NCAPH2: variants seen among roughly 807,000 people sequenced by gnomAD.
NCAPH2 encodes non-SMC condensin II complex subunit H2.
Under a neutral mutation model 88.6 loss-of-function variants are expected in NCAPH2, and 56 were observed. The ratio of observed to expected loss-of-function variants is 0.63; its 90% CI spans 0.51 to 0.79. The LOEUF is 0.79. Among genes scored for constraint, NCAPH2 ranks in the 30% least tolerant of loss-of-function variants. The probability of loss-of-function intolerance (pLI) is 0.00; values close to 1 mark genes in which losing one functional copy is unlikely to be tolerated. For synonymous variants in NCAPH2, 378 were observed against 313.6 expected, an observed-to-expected ratio of 1.21 and a Z score of -2.17; for missense variants, 794 against 792.0, an observed-to-expected ratio of 1.00 and a Z score of -0.03.
chr22:50,521,117 C>T (rs2069076552), intron 10 of NCAPH2, 81 bp downstream of exon 10: 2 of 1,474,764 alleles, frequency 1.4e-6, no homozygotes, highest in African/African-American at 1.4e-5. Context: ...CATGCTCTTG[C>T]TCCTGCTGGC....
chr22:50,521,497 T>TA (rs1569521021), intron 10 of NCAPH2, 46 bp from the exon 11 acceptor site: 1 of 1,597,258 alleles, frequency 6.3e-7, no homozygotes, highest in Non-Finnish European at 8.6e-7. Flanking sequence ...GAGGGACGGC[T>TA]GTGCACCCCC....
In NCAPH2 at chr22:50,524,592, C is replaced by T. The variant is rs1391474839; in HGVS notation, c.*1217C>T. 2 of 728,032 alleles carry T rather than the reference C, an allele frequency of 2.7e-6. No individual in the cohort carries two copies. Among genetic ancestry groups the T allele is most frequent in the Non-Finnish European group, 5.0e-6 (2 of 396,598 alleles). 45.1% of individuals were successfully genotyped at this position (728,032 alleles called of 1,614,324 possible). A position where few individuals can be genotyped will look rare whatever the true frequency, so the allele number is the denominator to read the frequency against. ...AGCTCAGAACTCCACCTCCACCAAACATCCACACCTGGGCAACCACACCTG... is the reference window on the plus strand; with the variant it reads ...AGCTCAGAACTCCACCTCCACCAAATATCCACACCTGGGCAACCACACCTG... On this transcript the variant is annotated 3_prime_UTR_variant, in exon 20 of 20. Transcript: ENST00000420993.
chr22:50,518,617 G>T (rs770557719), intron 7 of NCAPH2, 32 bp from the exon 8 acceptor site: 5 of 1,572,290 alleles, frequency 3.2e-6, no homozygotes, highest in Non-Finnish European at 4.3e-6. Flanking sequence ...AGAGGGGCTG[G>T]GCTGACCTTG....
In NCAPH2 at chr22:50,523,434, C is replaced by G; in HGVS notation, c.*59C>G. The G allele has an allele frequency of 6.6e-7, 1 of 1,522,498 alleles. No individual in the cohort carries two copies. Among genetic ancestry groups the G allele is most frequent in the Non-Finnish European group, 8.8e-7 (1 of 1,134,098 alleles). 94.3% of individuals were successfully genotyped at this position (1,522,498 alleles called of 1,614,324 possible). On this transcript the variant is annotated 3_prime_UTR_variant, in exon 20 of 20. Coordinates refer to ENST00000420993, the MANE Select transcript of NCAPH2 (RefSeq NM_152299.4). ...GTACTGAGGAGCCGTGTGTCTGCTC[C>G]TGGCTGGCCCGGCCTAATAAAGCAG... is the stretch of plus-strand genomic sequence containing the variant.
Position 50,516,539 on chromosome 22 carries a change from C to T in NCAPH2, c.201C>T (p.Tyr67=), listed in dbSNP as rs764973773. Reference sequence around the variant, plus strand: ...TGATCCAGGGCTCTGCCTGCGTCTACAGTAAGAAGGTGGGCCCTGCTTGAC... The same window carrying T: ...TGATCCAGGGCTCTGCCTGCGTCTATAGTAAGAAGGTGGGCCCTGCTTGAC... ...ALLIQGSACV[Y]SKKVEYLYSL... is the part of the protein sequence containing the mutation. Residue 67 remains tyrosine, a synonymous_variant, in exon 2 of 20, where the codon TAC becomes TAT. Transcript: ENST00000420993. 5.0e-6 allele frequency: 8 copies of T among 1,614,024 alleles called. No individual in the cohort carries two copies. The South Asian group carries it at 8.8e-5, about 18-fold the overall frequency.
chr22:50,516,902 C>T (rs2068939915), intron 2 of NCAPH2, among the ~76,000 whole-genome samples: 1 of 152,238 alleles, frequency 6.6e-6, no homozygotes, highest in African/African-American at 2.4e-5. Flanking sequence ...AACCACCACC[C>T]TCACGGTGGG....
At chr22:50,508,736 C>T (rs1312381931) in intron 1 of NCAPH2, among the ~76,000 whole-genome samples, 1 of 152,242 alleles carries the variant, frequency 6.6e-6, no homozygotes, top group Non-Finnish European at 1.5e-5. Context: ...GTGGAATAGA[C>T]TAGAAAGCAT....
Position 50,518,415 on chromosome 22 carries a change from G to C in NCAPH2, c.646+137G>C. 2.3e-6 allele frequency: 3 copies of C among 1,322,528 alleles called. 1 individual carries two copies. In the South Asian group the frequency reaches 4.4e-5, roughly 20 times the overall value. 81.9% of individuals were successfully genotyped at this position (1,322,528 alleles called of 1,614,324 possible). A position where few individuals can be genotyped will look rare whatever the true frequency, so the allele number is the denominator to read the frequency against. On this transcript the variant is annotated intron_variant, in intron 7 of 19. Transcript: ENST00000420993. ...TGGGTGCCTGCTCTAGTCTAGACAGGTTGGCTGGTGCTCATCCCACCCATC... is the reference window on the plus strand; with the variant it reads ...TGGGTGCCTGCTCTAGTCTAGACAGCTTGGCTGGTGCTCATCCCACCCATC...
rs373353863 is a variant in NCAPH2, at chr22:50,523,114, C to T, written c.1625C>T (p.Ala542Val). 81 of 1,613,410 alleles carry T rather than the reference C, an allele frequency of 5.0e-5. No individual in the cohort carries two copies. Among genetic ancestry groups the T allele is most frequent in the South Asian group, 6.6e-5 (6 of 91,018 alleles). Residue 542 changes from alanine (A) to valine (V), a missense_variant, in exon 19 of 20, where the codon GCT becomes GTT. Ala to Val is a moderately conservative substitution (Grantham distance 64). Around this residue, in one of 2 missense-constraint regions of NCAPH2, gnomAD observed 735 missense variants for 696.3 expected, o/e 1.06. Transcript: ENST00000420993. Reference sequence around the variant, plus strand: ...TGGTGTCCCTTTGCGGAGCTGGTGGCTGGCCAGCCGGCCTTCGAGGTGTGT... The same window carrying T: ...TGGTGTCCCTTTGCGGAGCTGGTGGTTGGCCAGCCGGCCTTCGAGGTGTGT... ...NEWCPFAELV[A>V]GQPAFEVCRS...
rs2069154774 is a variant in NCAPH2, at chr22:50,522,878, A to G, written c.1483A>G (p.Ile495Val). Residue 495 changes from isoleucine (I) to valine (V), a missense_variant, in exon 18 of 20, where the codon ATC (isoleucine) becomes GTC (valine). This residue lies in a region of NCAPH2 where 735 missense variants were observed against 696.3 expected (regional missense o/e 1.06). Transcript: ENST00000420993. ...FVQETELSQR[I>V]RDWEDTVQPL... ...CCAGGAGACAGAGCTGAGCCAGCGC[A>G]TCAGGGACTGGGAGGACACAGTGCA... 2 of 1,613,438 alleles carry G rather than the reference A, an allele frequency of 1.2e-6. No homozygotes were observed. The highest frequency in any genetic ancestry group is 8.5e-7 in the Non-Finnish European group (1 of 1,179,990).
At position 50,508,312 on chromosome 22, in the gene NCAPH2, C is replaced by T. The variant is rs1367424192; in HGVS notation, c.-26C>T. The T allele has an allele frequency of 2.7e-6, 4 of 1,468,878 alleles. No individual in the cohort carries two copies. The highest frequency in any genetic ancestry group is 1.9e-4 in the Middle Eastern group (1 of 5,274). The allele number at this position is 1,468,878 out of a possible 1,614,324, so 91.0% of individuals were successfully genotyped here. A position where few individuals can be genotyped will look rare whatever the true frequency, so the allele number is the denominator to read the frequency against. ...CCCCTCGGAAGGCAGCCCTGCGGTC[C>T]CTTTGCCGCCCGTTCCCTCCCGGAC... On this transcript the variant is annotated 5_prime_UTR_variant, in exon 1 of 20. Transcript: ENST00000420993.
At chr22:50,513,774 C>A (rs867647726) in intron 1 of NCAPH2, among the ~76,000 whole-genome samples, 5 of 151,896 alleles carry the variant, frequency 3.3e-5, no homozygotes, top group African/African-American at 1.2e-4. Context: ...AAACAAAAAC[C>A]AAAACCAACC....
Position 50,522,958 on chromosome 22 carries a change from C to A in NCAPH2, c.1527+36C>A, listed in dbSNP as rs200907663. On this transcript the variant is annotated intron_variant, in intron 18 of 19. Coordinates refer to ENST00000420993, the MANE Select transcript of NCAPH2 (RefSeq NM_152299.4). ...GCCGCTGGGAACCAGAGCTGTGTGC[C>A]ACGGGTCTGTCCAGGGCCTTGCCTC... 6.2e-6 allele frequency: 10 copies of A among 1,612,084 alleles called. No individual in the cohort carries two copies. In the African/African-American group the frequency reaches 1.3e-4, roughly 21 times the overall value.
intron 1 of NCAPH2, among the ~76,000 whole-genome samples, chr22:50,509,649 G>A (rs201660627): frequency 6.6e-6 from 1 of 152,254 alleles, no homozygotes; most frequent in East Asian, 1.9e-4. Flanking sequence ...CGTCCAATTC[G>A]TGCTCCAACC....
At chr22:50,513,793 G>A (rs6010131) in intron 1 of NCAPH2, among the ~76,000 whole-genome samples, 20,231 of 151,980 alleles carry the variant, frequency 0.13, 3,345 homozygotes, top group African/African-American at 0.39. Context: ...CCAACCAACC[G>A]AAAAAATCAC....
chr22:50,514,521 C>T (rs897045702), intron 1 of NCAPH2, among the ~76,000 whole-genome samples: 8 of 152,144 alleles, frequency 5.3e-5, no homozygotes, highest in Non-Finnish European at 1.0e-4. Flanking sequence ...TGGGTTTGGG[C>T]TCAGATGGCA....
At position 50,518,252 on chromosome 22, in the gene NCAPH2, T is replaced by A; in HGVS notation, c.620T>A (p.Val207Asp). Residue 207 changes from valine to aspartate, a missense_variant, in exon 7 of 20, where the codon GTT becomes GAT. By Grantham distance (152) the Val-to-Asp change is radical (BLOSUM62 -3). This residue lies in a region of NCAPH2 where 735 missense variants were observed against 696.3 expected (regional missense o/e 1.06). Coordinates refer to ENST00000420993, the MANE Select transcript of NCAPH2 (RefSeq NM_152299.4). ...ATGTCCCCCATGGAACCAGCGGGCGTTTCCCCCATGCCAGGGACCCAGAAG... is the reference window on the plus strand; with the variant it reads ...ATGTCCCCCATGGAACCAGCGGGCGATTCCCCCATGCCAGGGACCCAGAAG... ...EGMSPMEPAG[V>D]SPMPGTQKDT... The A allele has an allele frequency of 6.2e-7, 1 of 1,613,482 alleles. No individual in the cohort carries two copies. Among genetic ancestry groups the A allele is most frequent in the African/African-American group, 1.3e-5 (1 of 75,028 alleles).
At chr22:50,514,569 A>G (rs2068866302) in intron 1 of NCAPH2, among the ~76,000 whole-genome samples, 1 of 152,228 alleles carries the variant, frequency 6.6e-6, no homozygotes, top group Non-Finnish European at 1.5e-5. Context: ...AGTGAAGCCC[A>G]GTAGTGTCTT....
chr22:50,523,140 C>T lies in NCAPH2; in HGVS notation c.1651C>T (p.Arg551Cys), dbSNP rs781692027. 6 of 1,613,706 alleles carry T rather than the reference C, an allele frequency of 3.7e-6. No homozygotes were observed. Among genetic ancestry groups the T allele is most frequent in the Non-Finnish European group, 3.4e-6 (4 of 1,179,882 alleles). ...VAGQPAFEVC[R>C]SMLASLQLAN... ...TGGCCAGCCGGCCTTCGAGGTGTGT[C>T]GTTCCATGCTGGCCTCCCTGCAGCT... Residue 551 changes from arginine to cysteine, a missense_variant, in exon 19 of 20, where the codon CGT becomes TGT. Coordinates refer to ENST00000420993, the MANE Select transcript of NCAPH2 (RefSeq NM_152299.4).
Sources: allele counts gnomAD v4.1 joint callset (sites outside exome capture counted in the v4.1 genomes callset), GRCh38; gene constraint gnomAD v4.1.1; regional missense constraint gnomAD v4.1.1; transcripts MANE v1.5; gene names NCBI Gene and HGNC (gene_info 2026-07-23, HGNC 2026-07-21).